Variants in PSMD12 observed in about 807,000 individuals in gnomAD.
PSMD12 encodes the protein 26S proteasome non-ATPase regulatory subunit 12.
PSMD12 carries 8 observed loss-of-function variants against 62.9 expected under a neutral mutation model. That is an observed-to-expected ratio of 0.13 (90% CI 0.07 to 0.23). The LOEUF (loss-of-function observed/expected upper bound fraction) is 0.23. Ranked by LOEUF, PSMD12 falls within the 10% of genes least tolerant of loss-of-function variation. The probability of loss-of-function intolerance (pLI) is 1.00; values close to 1 mark genes in which losing one functional copy is unlikely to be tolerated. For synonymous variants in PSMD12, 173 were observed against 187.4 expected (o/e 0.92, Z 0.63); for missense variants, 424 against 550.2 (o/e 0.77, Z 2.29).
rs770520139 is a variant in PSMD12 at position 67,341,055 on chromosome 17, G to A, written c.1162-3C>T. 2 of 1,534,244 alleles carry A rather than the reference G, an allele frequency of 1.3e-6. No homozygotes were observed. The highest frequency in any genetic ancestry group is 1.3e-5 in the South Asian group (1 of 79,562). On this transcript the variant is annotated splice_region_variant and splice_polypyrimidine_tract_variant and intron_variant, in intron 10 of 10. Transcript: ENST00000356126. ...TTTGAGAGAAAGGCTTCGGACTCCT[G>A]CAAGAGAGAAAGATAAATTGGATTA...
At chr17:67,365,369 T>C (rs1292087387) in intron 1 of PSMD12, among the ~76,000 whole-genome samples, 4 of 152,102 alleles carry the variant, frequency 2.6e-5, no homozygotes, top group Non-Finnish European at 5.9e-5. Context: ...GCCCAAGTTT[T>C]CTTACCTGTA....
At chr17:67,349,304 C>A (rs953173190) in intron 4 of PSMD12, among the ~76,000 whole-genome samples, 1 of 152,220 alleles carries the variant, frequency 6.6e-6, no homozygotes, top group African/African-American at 2.4e-5. Context: ...CAGGCGTGAG[C>A]CACTGTGCCT....
At chr17:67,359,484 T>A (rs952368249) in intron 1 of PSMD12, among the ~76,000 whole-genome samples, 6 of 152,140 alleles carry the variant, frequency 3.9e-5, no homozygotes, top group African/African-American at 1.4e-4. Context: ...CAAAAATGAA[T>A]TTTTTTTATC....
intron 1 of PSMD12, among the ~76,000 whole-genome samples, chr17:67,365,614 G>A (rs1332796972): frequency 6.6e-6 from 1 of 152,104 alleles, no homozygotes; most frequent in African/African-American, 2.4e-5. Flanking sequence ...CAAGCATACT[G>A]AACCTAAGAT....
At chr17:67,353,557 T>A (rs2143712018) in intron 3 of PSMD12, among the ~76,000 whole-genome samples, 1 of 152,298 alleles carries the variant, frequency 6.6e-6, no homozygotes, top group African/African-American at 2.4e-5. Context: ...TCCGCCTGCC[T>A]CGACCTCCCA....
intron 1 of PSMD12, among the ~76,000 whole-genome samples, chr17:67,358,566 T>G (rs1400324972): frequency 8.9e-5 from 1 of 11,216 alleles, no homozygotes; most frequent in Admixed American, 9.9e-4. Flanking sequence ...AGAACCTGTC[T>G]CAAAAAAAAA....
Position 67,350,295 on chromosome 17 carries a change from C to T in PSMD12, c.339G>A (p.Glu113=). The change falls in exon 4 of 11, where the codon GAG becomes GAA. Residue 113 remains glutamate, a synonymous_variant. Coordinates refer to ENST00000356126, the MANE Select transcript of PSMD12 (RefSeq NM_002816.5). ...KMVQQCCTYV[E]EITDLPIKLR... The stretch of plus-strand genomic sequence containing the variant: ...GTTTGATAGGAAGGTCTGTGATTTC[C>T]TCAACATAAGTACAGCACTGTTGAA... The T allele has an allele frequency of 6.2e-7, 1 of 1,612,754 alleles. No individual in the cohort carries two copies. The highest frequency in any genetic ancestry group is 8.5e-7 in the Non-Finnish European group (1 of 1,179,492).
intron 1 of PSMD12, among the ~76,000 whole-genome samples, chr17:67,363,952 G>A (rs772074445): frequency 9.2e-5 from 14 of 152,086 alleles, no homozygotes; most frequent in Non-Finnish European, 1.3e-4. Context: ...GGGAGGCTGA[G>A]GCACGAGAAT....
intron 3 of PSMD12, among the ~76,000 whole-genome samples, chr17:67,352,270 GT>G (rs1280030358): frequency 1.3e-5 from 2 of 151,948 alleles, no homozygotes; most frequent in African/African-American, 2.4e-5. Flanking sequence ...TATTTTTAAA[GT>G]TTTTTTGTAA....
chr17:67,343,200 C>A (rs2041931875), intron 9 of PSMD12, among the ~76,000 whole-genome samples: 1 of 152,156 alleles, frequency 6.6e-6, no homozygotes, highest in Non-Finnish European at 1.5e-5. Flanking sequence ...TCTATCAGGG[C>A]TGATGGCAAC....
intron 8 of PSMD12, 91 bp downstream of exon 8, chr17:67,345,654 T>C (rs62086001): frequency 0.2 from 205,052 of 1,003,820 alleles, 22,385 homozygotes; most frequent in Middle Eastern, 0.29. Flanking sequence ...AAAAAAGAAG[T>C]ATACACAGAA....
rs549445741 is a variant in PSMD12 at position 67,358,012 on chromosome 17, C to T, written c.109-434G>A. Among the ~76,000 whole-genome samples the T allele has an allele frequency of 2.0e-5, 3 of 152,138 alleles. No homozygotes were observed. In the South Asian group the frequency reaches 6.2e-4, roughly 32 times the overall value. ...TCTCGGCTCACTGCAACCTCCACCT[C>T]CCGGGTTCTAGCGATTCTCATGCCT... On this transcript the variant is annotated intron_variant, in intron 1 of 10. Transcript: ENST00000356126.
intron 3 of PSMD12, among the ~76,000 whole-genome samples, chr17:67,356,556 T>A (rs1170242395): frequency 2.0e-4 from 1 of 5,034 alleles, no homozygotes; most frequent in Non-Finnish European, 5.2e-4. Flanking sequence ...AGACTCCGTC[T>A]CAAAAAAAAA....
intron 1 of PSMD12, among the ~76,000 whole-genome samples, chr17:67,361,512 C>T (rs1160191903): frequency 2.0e-5 from 3 of 151,958 alleles, no homozygotes; most frequent in South Asian, 2.1e-4. Flanking sequence ...AACCCGGGAA[C>T]GGGAGGTTGC....
intron 9 of PSMD12, among the ~76,000 whole-genome samples, chr17:67,342,930 ACT>A (rs1211959390): frequency 6.9e-6 from 1 of 144,994 alleles, no homozygotes; most frequent in Non-Finnish European, 1.5e-5. Flanking sequence ...AGCTACACTG[ACT>A]CTCTTTCAAA....
intron 8 of PSMD12, 103 bp downstream of exon 8, chr17:67,345,642 C>A: frequency 1.1e-6 from 1 of 934,558 alleles, no homozygotes. Flanking sequence ...AACTCCATCT[C>A]AAAAAAAGAA....
chr17:67,358,775 G>C (rs1328685458), intron 1 of PSMD12, among the ~76,000 whole-genome samples: 1 of 151,928 alleles, frequency 6.6e-6, no homozygotes, highest in African/African-American at 2.4e-5. Context: ...CATGCTTACC[G>C]GAAATGAAGG....
intron 1 of PSMD12, 104 bp downstream of exon 1, chr17:67,366,308 T>TG (rs1332665114): frequency 1.8e-6 from 2 of 1,115,956 alleles, no homozygotes; most frequent in South Asian, 1.4e-5. Context: ...GGACAGGCAT[T>TG]GGGGGGTGCA....
intron 3 of PSMD12, among the ~76,000 whole-genome samples, chr17:67,351,415 A>ATAATAATAATAG (rs2083012320): frequency 6.7e-6 from 1 of 148,574 alleles, no homozygotes; most frequent in African/African-American, 2.5e-5. Context: ...AATAATAATA[A>ATAATAATAATAG]TAATAATAAT....
Sources: allele counts gnomAD v4.1 joint callset (sites outside exome capture counted in the v4.1 genomes callset), GRCh38; gene constraint gnomAD v4.1.1; transcripts MANE v1.5; gene names NCBI Gene and HGNC (gene_info 2026-07-23, HGNC 2026-07-21).